MAML3: variants seen among roughly 807,000 people sequenced by gnomAD.
The protein encoded by MAML3 is mastermind like transcriptional coactivator 3.
In MAML3, 27 loss-of-function variants were observed where a neutral mutation model predicts 101.9. The observed-to-expected ratio is 0.27, with a 90% CI of 0.20 to 0.37. The LOEUF is 0.37. Among genes scored for constraint, MAML3 ranks in the 10% least tolerant of loss-of-function variants. The probability of loss-of-function intolerance (pLI) is 1.00; values close to 1 mark genes in which losing one functional copy is unlikely to be tolerated. For missense variants in MAML3, 1,316 were observed against 1,444.9 expected (o/e 0.91, Z 1.45); for synonymous variants, 501 against 555.9 (o/e 0.90, Z 1.39).
intron 1 of MAML3, among the ~76,000 whole-genome samples, chr4:139,938,577 G>T (rs762514838): frequency 1.6e-4 from 25 of 152,170 alleles, no homozygotes; most frequent in Admixed American, 6.5e-5. Flanking sequence ...AGGCTTGTGG[G>T]AGTAGAGTGA....
intron 1 of MAML3, among the ~76,000 whole-genome samples, chr4:140,034,430 C>T (rs956766149): frequency 1.3e-5 from 2 of 152,140 alleles, no homozygotes; most frequent in Non-Finnish European, 2.9e-5. Flanking sequence ...AGTTGGAAGA[C>T]ATATGGTATG....
chr4:139,875,696 G>C (rs965361959), intron 2 of MAML3, among the ~76,000 whole-genome samples: 1 of 151,986 alleles, frequency 6.6e-6, no homozygotes, highest in South Asian at 2.1e-4. Context: ...TCCTTTCCCA[G>C]TAAGCAGCTG....
At chr4:139,783,438 T>C (rs939182944) in intron 2 of MAML3, among the ~76,000 whole-genome samples, 45 of 152,368 alleles carry the variant, frequency 3.0e-4, no homozygotes, top group Non-Finnish European at 6.3e-4. Flanking sequence ...GCAGCAGCAG[T>C]GACTGCAGTG....
intron 1 of MAML3, among the ~76,000 whole-genome samples, chr4:139,930,782 T>G (rs1733375242): frequency 6.6e-6 from 1 of 152,158 alleles, no homozygotes; most frequent in Admixed American, 6.5e-5. Context: ...ACATCTGTAC[T>G]TATTTACTAG....
intron 1 of MAML3, among the ~76,000 whole-genome samples, chr4:139,970,524 G>T (rs1273221910): frequency 6.6e-6 from 1 of 152,166 alleles, no homozygotes; most frequent in Non-Finnish European, 1.5e-5. Flanking sequence ...AAATGGATCA[G>T]ACAATCAAGA....
In MAML3 at chr4:139,717,970, T is replaced by G. The variant is rs1317535426; in HGVS notation, c.*1353A>C. Reference sequence around the variant, plus strand: ...CTTTGCCCATATGAAATAAACTACATCTCCTTTCTATCCAAATTTGTAAGG... The same window carrying G: ...CTTTGCCCATATGAAATAAACTACAGCTCCTTTCTATCCAAATTTGTAAGG... On this transcript the variant is annotated 3_prime_UTR_variant, in exon 5 of 5. Transcript: ENST00000509479. 1 of 152,176 alleles carries G rather than the reference T, an allele frequency of 6.6e-6. No individual in the cohort carries two copies. The highest frequency in any genetic ancestry group is 1.9e-4 in the East Asian group (1 of 5,196). 9.4% of individuals were successfully genotyped at this position (152,176 alleles called of 1,614,324 possible). A position where few individuals can be genotyped will look rare whatever the true frequency, so the allele number is the denominator to read the frequency against.
At chr4:140,150,572 T>G (rs1210643055) in intron 1 of MAML3, among the ~76,000 whole-genome samples, 1 of 152,166 alleles carries the variant, frequency 6.6e-6, no homozygotes, top group African/African-American at 2.4e-5. Context: ...TTGTGAGAGA[T>G]TCTGTGGCAC....
intron 2 of MAML3, among the ~76,000 whole-genome samples, chr4:139,836,573 G>A (rs1731258350): frequency 6.6e-6 from 1 of 152,092 alleles, no homozygotes; most frequent in Non-Finnish European, 1.5e-5. Flanking sequence ...ATTAAAAATG[G>A]CATACCACAG....
intron 1 of MAML3, among the ~76,000 whole-genome samples, chr4:140,077,736 G>C (rs1398926808): frequency 6.6e-6 from 1 of 152,022 alleles, no homozygotes; most frequent in Non-Finnish European, 1.5e-5. Flanking sequence ...AATAAAGAGA[G>C]GGGCCGGGTA....
intron 1 of MAML3, among the ~76,000 whole-genome samples, chr4:139,949,355 T>C (rs1733794065): frequency 1.3e-5 from 2 of 152,142 alleles, no homozygotes; most frequent in South Asian, 4.1e-4. Context: ...TATCATAAGA[T>C]AGAAGCGGTA....
Position 139,960,643 on chromosome 4 carries a change from A to G in MAML3, c.469-69676T>C, listed in dbSNP as rs572674427. On this transcript the variant is annotated intron_variant, in intron 1 of 4. Transcript: ENST00000509479. The stretch of plus-strand genomic sequence containing the variant: ...TAGATGAGGCAAAGGAAAATGGGGG[A>G]AAAATTAACAGCAGGAACTTGAAAA... 7.9e-5 allele frequency among the ~76,000 whole-genome samples: 12 copies of G among 152,268 alleles called. No individual in the cohort carries two copies. In the East Asian group the frequency reaches 1.2e-3, roughly 15 times the overall value.
chr4:140,145,618 T>C (rs999408615), intron 1 of MAML3, among the ~76,000 whole-genome samples: 1 of 152,132 alleles, frequency 6.6e-6, no homozygotes, highest in African/African-American at 2.4e-5. Context: ...CAGGCTGGAG[T>C]GTAGTGGCAC....
chr4:139,771,761 C>A (rs1451135820), intron 2 of MAML3, among the ~76,000 whole-genome samples: 1 of 152,094 alleles, frequency 6.6e-6, no homozygotes, highest in Non-Finnish European at 1.5e-5. Context: ...ACCACCTGTA[C>A]CAGAATCAGC....
intron 1 of MAML3, among the ~76,000 whole-genome samples, chr4:140,149,939 C>CTTTTTTTTT (rs3051828): frequency 3.8e-5 from 5 of 129,888 alleles, no homozygotes; most frequent in Admixed American, 8.0e-5. Context: ...ATGTTTCTTT[C>CTTTTTTTTT]TTTTTTTTTT....
At chr4:139,742,058 C>G (rs891808889) in intron 2 of MAML3, among the ~76,000 whole-genome samples, 1 of 152,012 alleles carries the variant, frequency 6.6e-6, no homozygotes, top group Non-Finnish European at 1.5e-5. Flanking sequence ...CTTGACTCCA[C>G]GCCACACATA....
At chr4:140,012,746 C>T (rs1726582586) in intron 1 of MAML3, among the ~76,000 whole-genome samples, 1 of 152,230 alleles carries the variant, frequency 6.6e-6, no homozygotes. Flanking sequence ...CTATTCCTCT[C>T]CTTCATCCTG....
chr4:139,774,904 C>T (rs1005352950), intron 2 of MAML3, among the ~76,000 whole-genome samples: 15 of 152,230 alleles, frequency 9.9e-5, no homozygotes, highest in African/African-American at 2.9e-4. Context: ...TGTATGTAAA[C>T]GCTAATCAGG....
Position 140,047,739 on chromosome 4 carries a change from G to T in MAML3, c.468+105121C>A, listed in dbSNP as rs529628731. 6.3e-5 allele frequency among the ~76,000 whole-genome samples: 8 copies of T among 126,250 alleles called. No homozygotes were observed. In the South Asian group the frequency reaches 2.0e-3, roughly 32 times the overall value. 82.8% of individuals were successfully genotyped at this position (126,250 alleles called of 152,430 possible). A position where few individuals can be genotyped will look rare whatever the true frequency, so the allele number is the denominator to read the frequency against. On this transcript the variant is annotated intron_variant, in intron 1 of 4. Coordinates refer to ENST00000509479, the MANE Select transcript of MAML3 (RefSeq NM_018717.5). ...ACCCCCCACCCCCAAAATGGGCACAGCAGAAGATGGACGCGCTGCTCAGAT... is the reference window on the plus strand; with the variant it reads ...ACCCCCCACCCCCAAAATGGGCACATCAGAAGATGGACGCGCTGCTCAGAT...
In MAML3 at chr4:139,971,200, C is replaced by G. The variant is rs527983117; in HGVS notation, c.469-80233G>C. 5.9e-5 allele frequency among the ~76,000 whole-genome samples: 8 copies of G among 136,054 alleles called. No homozygotes were observed. In the East Asian group the frequency reaches 1.9e-3, roughly 33 times the overall value. The allele number at this position is 136,054 out of a possible 152,430, so 89.3% of individuals were successfully genotyped here. On this transcript the variant is annotated intron_variant, in intron 1 of 4. Transcript: ENST00000509479. ...GAGTTATCTCCTCTAATTACTAACT[C>G]TTCTCACTGTACCTTCTGGGCTACC...
Sources: gnomAD v4.1 joint callset for allele counts (sites outside exome capture counted in the v4.1 genomes callset) on GRCh38, gnomAD v4.1.1 for gene constraint, MANE v1.5 for transcripts, NCBI Gene and HGNC (gene_info 2026-07-23, HGNC 2026-07-21) for gene names.